Variants in CALN1 observed in about 807,000 individuals in gnomAD.
CALN1 encodes calneuron 1, also known as calcium-binding protein 8.
A neutral mutation model predicts 30.6 loss-of-function variants in CALN1; 17 were observed. That is an observed-to-expected ratio of 0.56 (90% CI 0.38 to 0.83). The LOEUF is 0.83. Among genes scored for constraint, CALN1 ranks in the 40% least tolerant of loss-of-function variants. The pLI is 0.00. For missense variants in CALN1, 291 were observed against 354.9 expected, an observed-to-expected ratio of 0.82 and a Z score of 1.45; for synonymous variants, 156 against 131.4, an observed-to-expected ratio of 1.19 and a Z score of -1.28.
intron 3 of CALN1, among the ~76,000 whole-genome samples, chr7:72,276,338 C>T (rs1797331322): frequency 6.6e-6 from 1 of 152,210 alleles, no homozygotes; most frequent in African/African-American, 2.4e-5. Flanking sequence ...CTGGGCCTCA[C>T]TTCACCTCCC....
At chr7:72,058,692 C>T (rs531970778) in intron 4 of CALN1, among the ~76,000 whole-genome samples, 1 of 152,198 alleles carries the variant, frequency 6.6e-6, no homozygotes, top group East Asian at 1.9e-4. Context: ...GGGGGCAGGA[C>T]TTTGGAAGAT....
chr7:71,937,564 A>C (rs1418485499), intron 5 of CALN1, among the ~76,000 whole-genome samples: 1 of 152,146 alleles, frequency 6.6e-6, no homozygotes, highest in Non-Finnish European at 1.5e-5. Flanking sequence ...CTGAAGCCTC[A>C]CATTCCTAGG....
chr7:72,040,339 G>C (rs1802050081), intron 4 of CALN1, among the ~76,000 whole-genome samples: 1 of 151,168 alleles, frequency 6.6e-6, no homozygotes, highest in Admixed American at 6.6e-5. Flanking sequence ...AAAAAAAATA[G>C]CCAGCTGTGA....
chr7:72,084,193 A>G (rs575343030), intron 4 of CALN1, among the ~76,000 whole-genome samples: 1 of 152,118 alleles, frequency 6.6e-6, no homozygotes, highest in Non-Finnish European at 1.5e-5. Context: ...TGGGTAACAG[A>G]GTAAGACTCC....
chr7:72,061,228 A>G (rs1273361746), intron 4 of CALN1, among the ~76,000 whole-genome samples: 1 of 152,224 alleles, frequency 6.6e-6, no homozygotes, highest in Non-Finnish European at 1.5e-5. Context: ...TGTCCAGACG[A>G]TAATACAAAA....
Position 72,076,551 on chromosome 7 carries a change from T to C in CALN1, c.388+29600A>G, listed in dbSNP as rs908773220. 5.8e-5 allele frequency among the ~76,000 whole-genome samples: 7 copies of C among 120,370 alleles called. No individual in the cohort carries two copies. The Admixed American group carries it at 7.7e-4, about 13-fold the overall frequency. 79.0% of individuals were successfully genotyped at this position (120,370 alleles called of 152,430 possible). Reference sequence around the variant, plus strand: ...AGGCGGAGGTTACAGTCAGCCGAGATCACGCCACTGCACTCTGGCCTGGGG... The same window carrying C: ...AGGCGGAGGTTACAGTCAGCCGAGACCACGCCACTGCACTCTGGCCTGGGG... On this transcript the variant is annotated intron_variant, in intron 4 of 6. Transcript: ENST00000395275.
At chr7:72,264,941 G>T (rs968231816) in intron 3 of CALN1, among the ~76,000 whole-genome samples, 1 of 152,088 alleles carries the variant, frequency 6.6e-6, no homozygotes. Flanking sequence ...TGCAGTATTT[G>T]GTTTCCTGTT....
chr7:72,484,662 A>T, the CALN1 span, among the ~76,000 whole-genome samples: 1 of 152,036 alleles, frequency 6.6e-6, no homozygotes, highest in Non-Finnish European at 1.5e-5. Flanking sequence ...AGTCCTTTGA[A>T]TTCCAGCCAC....
intron 5 of CALN1, among the ~76,000 whole-genome samples, chr7:71,834,495 T>C (rs1340884771): frequency 6.6e-6 from 1 of 152,106 alleles, no homozygotes; most frequent in African/African-American, 2.4e-5. Context: ...TGTACAAATA[T>C]TAGCATCAAT....
intron 2 of CALN1, among the ~76,000 whole-genome samples, chr7:72,377,620 GAACT>G (rs1804649106): frequency 2.0e-5 from 3 of 152,226 alleles, no homozygotes; most frequent in African/African-American, 7.2e-5. Context: ...CAACTTCTCT[GAACT>G]AATTTTGTAA....
rs1449406524 is a variant in CALN1 at position 71,786,118 on chromosome 7, T to G, written c.*1657A>C. 2 of 152,478 alleles carry G rather than the reference T, an allele frequency of 1.3e-5. No individual in the cohort carries two copies. Among genetic ancestry groups the G allele is most frequent in the Admixed American group, 6.5e-5 (1 of 15,286 alleles). 9.4% of individuals were successfully genotyped at this position (152,478 alleles called of 1,614,324 possible). On this transcript the variant is annotated 3_prime_UTR_variant, in exon 7 of 7. Transcript: ENST00000395275. Reference sequence around the variant, plus strand: ...ATGAGAAAACTTTCATTGGAGACCTTGGGTGCTCCAAGTCTGAAAAGGCAG... The same window carrying G: ...ATGAGAAAACTTTCATTGGAGACCTGGGGTGCTCCAAGTCTGAAAAGGCAG...
chr7:72,356,577 T>A (rs1803243013), intron 2 of CALN1, among the ~76,000 whole-genome samples: 1 of 151,954 alleles, frequency 6.6e-6, no homozygotes, highest in Admixed American at 6.6e-5. Flanking sequence ...ACTAAAATTG[T>A]ATAATAAGTG....
At chr7:71,936,994 G>A (rs971475854) in intron 5 of CALN1, among the ~76,000 whole-genome samples, 5 of 152,134 alleles carry the variant, frequency 3.3e-5, no homozygotes, top group Non-Finnish European at 5.9e-5. Context: ...CCCCAGCCAT[G>A]TGGAACTGTA....
intron 2 of CALN1, among the ~76,000 whole-genome samples, chr7:72,282,355 T>C (rs1479914897): frequency 1.3e-5 from 2 of 152,236 alleles, no homozygotes; most frequent in Non-Finnish European, 1.5e-5. Context: ...ACAATCTTTC[T>C]GTGTTTTATG....
chr7:71,994,368 T>G (rs1219327529), intron 5 of CALN1, among the ~76,000 whole-genome samples: 2 of 151,914 alleles, frequency 1.3e-5, no homozygotes, highest in African/African-American at 4.8e-5. Context: ...AAAAATTAGC[T>G]GGGCATGGTG....
chr7:72,089,886 A>G (rs1282975301), intron 4 of CALN1, among the ~76,000 whole-genome samples: 1 of 152,240 alleles, frequency 6.6e-6, no homozygotes, highest in Non-Finnish European at 1.5e-5. Context: ...TAATGTGAAG[A>G]TAACTTCTAT....
chr7:72,057,472 C>T (rs927736667), intron 4 of CALN1, among the ~76,000 whole-genome samples: 1 of 139,742 alleles, frequency 7.2e-6, no homozygotes, highest in Non-Finnish European at 1.5e-5. Flanking sequence ...TAGATTTCTG[C>T]ATCATGCTGT....
chr7:72,246,370 A>C (rs1795156256), intron 3 of CALN1, among the ~76,000 whole-genome samples: 1 of 152,126 alleles, frequency 6.6e-6, no homozygotes, highest in Admixed American at 6.5e-5. Flanking sequence ...TCCAACTCAG[A>C]AGACTCGGGC....
At chr7:72,276,703 C>T (rs573360650) in intron 3 of CALN1, among the ~76,000 whole-genome samples, 2 of 152,224 alleles carry the variant, frequency 1.3e-5, no homozygotes, top group South Asian at 4.1e-4. Context: ...TACCCTCTCT[C>T]GCCTTTCCAC....
Sources: gnomAD v4.1 joint callset for allele counts (sites outside exome capture counted in the v4.1 genomes callset) on GRCh38, gnomAD v4.1.1 for gene constraint, MANE v1.5 for transcripts, NCBI Gene and HGNC (gene_info 2026-07-23, HGNC 2026-07-21) for gene names.